PCNX2: variants seen among roughly 807,000 people sequenced by gnomAD.
The protein encoded by PCNX2 is pecanex 2.
A neutral mutation model predicts 223.8 loss-of-function variants in PCNX2; 168 were observed. The ratio of observed to expected loss-of-function variants is 0.75; its 90% CI spans 0.66 to 0.85. The LOEUF (loss-of-function observed/expected upper bound fraction) is 0.85, where lower values mean the gene tolerates loss of function less well. PCNX2 is among the 40% of genes least tolerant of loss of function. The pLI is 0.00. For missense variants in PCNX2, 2,507 were observed against 2,675.5 expected, an observed-to-expected ratio of 0.94 and a Z score of 1.39; for synonymous variants, 1,006 against 1,052.6, an observed-to-expected ratio of 0.96 and a Z score of 0.86.
intron 21 of PCNX2, among the ~76,000 whole-genome samples, chr1:233,131,266 G>C (rs1252531147): frequency 1.3e-5 from 2 of 152,138 alleles, no homozygotes; most frequent in South Asian, 4.1e-4. Context: ...GAGTCTAGTG[G>C]ACAAGTAACA....
chr1:233,299,995 GA>G (rs34472142), upstream of PCNX2, among the ~76,000 whole-genome samples: 11,079 of 152,168 alleles, frequency 0.073, 442 homozygotes, highest in Non-Finnish European at 0.088. Context: ...ACTCATCTCT[GA>G]ACTCATCTCT....
intron 15 of PCNX2, among the ~76,000 whole-genome samples, chr1:233,193,110 T>C (rs1384884672): frequency 6.8e-6 from 1 of 148,100 alleles, no homozygotes; most frequent in Admixed American, 6.8e-5. Context: ...AATTATATTT[T>C]ATAACTAGTA....
intron 15 of PCNX2, among the ~76,000 whole-genome samples, chr1:233,190,566 C>T (rs1014707740): frequency 5.3e-5 from 8 of 152,158 alleles, no homozygotes; most frequent in Non-Finnish European, 7.4e-5. Flanking sequence ...TTTTTTACTA[C>T]AGACTATAGT....
intron 10 of PCNX2, among the ~76,000 whole-genome samples, chr1:233,226,564 C>G (rs1472615796): frequency 6.6e-6 from 1 of 152,200 alleles, no homozygotes; most frequent in Non-Finnish European, 1.5e-5. Context: ...CCCACCATGC[C>G]CAGCCTCCAT....
intron 32 of PCNX2, among the ~76,000 whole-genome samples, chr1:232,997,857 C>A (rs754561539): frequency 1.3e-5 from 2 of 152,074 alleles, no homozygotes; most frequent in Non-Finnish European, 2.9e-5. Context: ...AGGCAGGAGG[C>A]CTGTTTGTGT....
Position 233,258,970 on chromosome 1 carries a change from G to A in PCNX2, c.892C>T (p.Arg298Trp), listed in dbSNP as rs377755050. The change falls in exon 5 of 34, where the codon CGG (arginine) becomes TGG (tryptophan). Residue 298 changes from arginine (R) to tryptophan (W), a missense_variant. Around this residue, in one of 3 missense-constraint regions of PCNX2, gnomAD observed 1,031 missense variants for 1,021.7 expected, o/e 1.01. Transcript: ENST00000258229. ...VSCPRGSIRERVQSKSPQDSL... is the reference protein window; with the variant it reads ...VSCPRGSIREWVQSKSPQDSL... ...TCCTGAGGTGACTTGCTTTGTACCCGTTCCCTTATGGAGCCCCGGGGACAA... is the reference window on the plus strand; with the variant it reads ...TCCTGAGGTGACTTGCTTTGTACCCATTCCCTTATGGAGCCCCGGGGACAA... The A allele has an allele frequency of 6.1e-5, 99 of 1,613,890 alleles. No individual in the cohort carries two copies. Among genetic ancestry groups the A allele is most frequent in the South Asian group, 5.1e-4 (46 of 91,082 alleles).
At position 233,054,277 on chromosome 1, in the gene PCNX2, C is replaced by T. The variant is rs1386409105; in HGVS notation, c.4342G>A (p.Glu1448Lys). ...GLVTFQLRGLEFRGTYCQQRE... is the reference protein window; with the variant it reads ...GLVTFQLRGLKFRGTYCQQRE... ...ATGAAGAAATTCTTACCTCGGAATT[C>T]CAGTCCTCGAAGTTGAAAGGTGACA... Residue 1448 changes from glutamate to lysine, a missense_variant, in exon 25 of 34, where the codon GAA (glutamate) becomes AAA (lysine). This residue lies in a region of PCNX2 where 1,372 missense variants were observed against 1,509.4 expected (regional missense o/e 0.91). Coordinates refer to ENST00000258229, the MANE Select transcript of PCNX2 (RefSeq NM_014801.4). The T allele has an allele frequency of 1.2e-6, 2 of 1,613,072 alleles. No individual in the cohort carries two copies. The highest frequency in any genetic ancestry group is 3.3e-5 in the Admixed American group (2 of 59,944).
In PCNX2 at chr1:233,054,430, G is replaced by A; in HGVS notation, c.4189C>T (p.Leu1397Phe). 1 of 1,613,880 alleles carries A rather than the reference G, an allele frequency of 6.2e-7. No homozygotes were observed. Among genetic ancestry groups the A allele is most frequent in the Non-Finnish European group, 8.5e-7 (1 of 1,179,828 alleles). Residue 1397 changes from leucine to phenylalanine, a missense_variant, in exon 25 of 34, where the codon CTC (leucine) becomes TTC (phenylalanine). This residue lies in a region of PCNX2 where 1,372 missense variants were observed against 1,509.4 expected (regional missense o/e 0.91). Transcript: ENST00000258229. ...SIFYEHLTRT[L>F]QESLCGDLVL... is the part of the protein sequence containing the mutation. ...AAGTCTCCACAGAGGGACTCCTGGA[G>A]GGTCCTTGTCAAGTGTTCATAAAAA...
rs1669353606 is a variant in PCNX2 at position 232,983,878 on chromosome 1, T to C, written c.*426A>G. 1 of 155,596 alleles carries C rather than the reference T, an allele frequency of 6.4e-6. No homozygotes were observed. The highest frequency in any genetic ancestry group is 3.1e-3 in the Middle Eastern group (1 of 324). 9.6% of individuals were successfully genotyped at this position (155,596 alleles called of 1,614,324 possible). On this transcript the variant is annotated 3_prime_UTR_variant, in exon 34 of 34. Transcript: ENST00000258229. ...ACAGTAATGTATAAAGTGCCGATGA[T>C]GTAACATGCAGTTGTCTTATTTTCA... is the stretch of plus-strand genomic sequence containing the variant.
rs780590209 is a variant in PCNX2, at chr1:232,998,351, G to T, written c.5691C>A (p.Asn1897Lys). The change falls in exon 32 of 34, where the codon AAC (asparagine) becomes AAA (lysine). Residue 1897 changes from asparagine to lysine, a missense_variant. Around this residue, in one of 3 missense-constraint regions of PCNX2, gnomAD observed 1,372 missense variants for 1,509.4 expected, o/e 0.91. Coordinates refer to ENST00000258229, the MANE Select transcript of PCNX2 (RefSeq NM_014801.4). ...DGGGAPTTGG[N>K]NAPSGGSQES... is the part of the protein sequence containing the mutation. ...CCTGGCTGCCACCACTCGGGGCATT[G>T]TTGCCACCTGTCGTCGGGGCCCCTC... 6.2e-7 allele frequency: 1 copy of T among 1,613,260 alleles called. No individual in the cohort carries two copies. Among genetic ancestry groups the T allele is most frequent in the South Asian group, 1.1e-5 (1 of 90,878 alleles).
intron 19 of PCNX2, among the ~76,000 whole-genome samples, chr1:233,142,299 C>T (rs1368674071): frequency 1.3e-5 from 2 of 152,188 alleles, no homozygotes; most frequent in African/African-American, 4.8e-5. Context: ...AAGACCACTC[C>T]TGCATTCCCT....
chr1:233,200,171 A>T lies in PCNX2; in HGVS notation c.2957T>A (p.Leu986Gln). The T allele has an allele frequency of 6.3e-7, 1 of 1,586,478 alleles. No individual in the cohort carries two copies. Among genetic ancestry groups the T allele is most frequent in the Non-Finnish European group, 8.6e-7 (1 of 1,165,016 alleles). The stretch of plus-strand genomic sequence containing the variant: ...CGACTTACCAGAACCACCAAAAAAC[A>T]GCATGTCAATTTGCTCCAAAAGATA... ...CTYLLEQIDM[L>Q]FFGGSAVSGI... The change falls in exon 14 of 34, where the codon CTG (leucine) becomes CAG (glutamine). Residue 986 changes from leucine to glutamine, a missense_variant. Around this residue, in one of 3 missense-constraint regions of PCNX2, gnomAD observed 1,372 missense variants for 1,509.4 expected, o/e 0.91. Coordinates refer to ENST00000258229, the MANE Select transcript of PCNX2 (RefSeq NM_014801.4).
intron 21 of PCNX2, chr1:233,112,712 A>AGGT: frequency 3.6e-6 from 2 of 550,212 alleles, no homozygotes; most frequent in Non-Finnish European, 4.4e-6. Context: ...TAGATCTTTG[A>AGGT]ACAATATAAC....
intron 17 of PCNX2, among the ~76,000 whole-genome samples, chr1:233,175,805 T>C (rs553708276): frequency 1.4e-4 from 22 of 152,350 alleles, no homozygotes; most frequent in African/African-American, 5.1e-4. Flanking sequence ...CCCTTACTCA[T>C]ATTAAGTGAT....
At chr1:233,080,389 C>T (rs190524938) in intron 23 of PCNX2, among the ~76,000 whole-genome samples, 1 of 141,774 alleles carries the variant, frequency 7.1e-6, no homozygotes, top group Non-Finnish European at 1.5e-5. Context: ...CATCCATACA[C>T]ACACACACAC....
the PCNX2 span, among the ~76,000 whole-genome samples, chr1:233,310,372 G>C: frequency 6.6e-6 from 1 of 152,180 alleles, no homozygotes; most frequent in Non-Finnish European, 1.5e-5. Context: ...AAAAATACTA[G>C]TGCTCAAAGG....
chr1:233,081,996 G>C lies in PCNX2; in HGVS notation c.4076+8065C>G, dbSNP rs1041421073. On this transcript the variant is annotated intron_variant, in intron 23 of 33. Coordinates refer to ENST00000258229, the MANE Select transcript of PCNX2 (RefSeq NM_014801.4). The stretch of plus-strand genomic sequence containing the variant: ...ATTAACTGGCATTCTGTGTGTGTTT[G>C]TGTGTGTGTGTGTGTGTGTGTGTGT... Among the ~76,000 whole-genome samples the C allele has an allele frequency of 1.5e-4, 15 of 98,056 alleles. No individual in the cohort carries two copies. In the East Asian group the frequency reaches 2.4e-3, roughly 16 times the overall value. The allele number at this position is 98,056 out of a possible 152,430, so 64.3% of individuals were successfully genotyped here.
chr1:233,101,208 T>C (rs1481820065), intron 21 of PCNX2, among the ~76,000 whole-genome samples: 2 of 152,110 alleles, frequency 1.3e-5, no homozygotes, highest in South Asian at 2.1e-4. Flanking sequence ...TTTTGAGGCA[T>C]AGGTGGTGAT....
intron 12 of PCNX2, among the ~76,000 whole-genome samples, chr1:233,212,203 C>T (rs893887228): frequency 7.9e-5 from 12 of 152,078 alleles, no homozygotes; most frequent in African/African-American, 1.9e-4. Flanking sequence ...CAGCTGGGGG[C>T]GGGCACCCAC....
Sources: allele counts gnomAD v4.1 joint callset (sites outside exome capture counted in the v4.1 genomes callset), GRCh38; gene constraint gnomAD v4.1.1; regional missense constraint gnomAD v4.1.1; transcripts MANE v1.5; gene names NCBI Gene and HGNC (gene_info 2026-07-23, HGNC 2026-07-21).